GFOD1: variants seen among roughly 807,000 people sequenced by gnomAD.
GFOD1 encodes the protein glucose-fructose oxidoreductase domain-containing protein 1.
Under a neutral mutation model 25.4 loss-of-function variants are expected in GFOD1, and 9 were observed. The ratio of observed to expected loss-of-function variants is 0.35; its 90% CI spans 0.21 to 0.62. The LOEUF (loss-of-function observed/expected upper bound fraction) is 0.62. Ranked by LOEUF, GFOD1 falls within the 20% of genes least tolerant of loss-of-function variation. The probability of loss-of-function intolerance (pLI) is 0.72; values close to 1 mark genes in which losing one functional copy is unlikely to be tolerated. For synonymous variants in GFOD1, 253 were observed against 245.6 expected (o/e 1.03, Z -0.28); for missense variants, 403 against 556.9 (o/e 0.72, Z 2.78).
chr6:13,471,653 C>T (rs960355084), intron 1 of GFOD1, among the ~76,000 whole-genome samples: 1 of 152,200 alleles, frequency 6.6e-6, no homozygotes, highest in Non-Finnish European at 1.5e-5. Flanking sequence ...ACACCCATAG[C>T]CCAAGGTGGA....
chr6:13,365,106 G>C lies in GFOD1; in HGVS notation c.810C>G (p.Asn270Lys). 1 of 1,612,734 alleles carries C rather than the reference G, an allele frequency of 6.2e-7. No individual in the cohort carries two copies. The highest frequency in any genetic ancestry group is 2.2e-5 in the East Asian group (1 of 44,866). Residue 270 changes from asparagine to lysine, a missense_variant, in exon 2 of 2, where the codon AAC becomes AAG. Coordinates refer to ENST00000379287, the MANE Select transcript of GFOD1 (RefSeq NM_018988.4). This position sits in a 1 kb window ranked among gnomAD's most constrained non-coding sequence, Gnocchi z 9.2. ...AVGTDLYGQR[N>K]SAPEQELLVQ... is the part of the protein sequence containing the mutation. ...CCAGCAGCTCCTGCTCCGGGGCGCT[G>C]TTGCGCTGCCCGTACAGGTCGGTGC...
At chr6:13,377,642 CA>C (rs1340916505) in intron 1 of GFOD1, among the ~76,000 whole-genome samples, 2 of 152,188 alleles carry the variant, frequency 1.3e-5, no homozygotes, top group Non-Finnish European at 2.9e-5. Context: ...TAGGCCCACC[CA>C]GATGATCCCC....
intron 1 of GFOD1, among the ~76,000 whole-genome samples, chr6:13,437,799 G>GA (rs1295080774): frequency 6.6e-6 from 1 of 152,188 alleles, no homozygotes; most frequent in Non-Finnish European, 1.5e-5. Flanking sequence ...ATACCAGACA[G>GA]AAATCATTAC....
intron 1 of GFOD1, among the ~76,000 whole-genome samples, chr6:13,415,728 A>C (rs1030388734): frequency 3.9e-5 from 6 of 152,224 alleles, no homozygotes; most frequent in African/African-American, 1.4e-4. Context: ...GAAATGGTTA[A>C]ATGAGATCAT....
At chr6:13,398,124 T>C (rs964924229) in intron 1 of GFOD1, among the ~76,000 whole-genome samples, 2 of 152,248 alleles carry the variant, frequency 1.3e-5, no homozygotes, top group South Asian at 2.1e-4. Flanking sequence ...CCGTATATTA[T>C]GTTATGTACA....
chr6:13,380,881 G>A (rs1785350284), intron 1 of GFOD1, among the ~76,000 whole-genome samples: 1 of 152,202 alleles, frequency 6.6e-6, no homozygotes, highest in African/African-American at 2.4e-5. Context: ...ACAGAAGTGG[G>A]GAGTGTAAGG....
At chr6:13,451,463 A>G (rs1758097728) in intron 1 of GFOD1, among the ~76,000 whole-genome samples, 1 of 151,852 alleles carries the variant, frequency 6.6e-6, no homozygotes, top group East Asian at 1.9e-4. Context: ...TGTAGAGAAC[A>G]CAGGCTCAGG....
chr6:13,428,255 G>T (rs1039704657), intron 1 of GFOD1, among the ~76,000 whole-genome samples: 2 of 152,122 alleles, frequency 1.3e-5, no homozygotes, highest in African/African-American at 4.8e-5. Flanking sequence ...GTTCCTTTAC[G>T]TGCCTCTCAA....
intron 1 of GFOD1, chr6:13,470,343 TC>T: frequency 6.4e-7 from 1 of 1,561,778 alleles, no homozygotes; most frequent in South Asian, 1.2e-5. Flanking sequence ...AAATCTCAGT[TC>T]CACAGACAAA....
intron 1 of GFOD1, among the ~76,000 whole-genome samples, chr6:13,455,182 G>C (rs1383510942): frequency 6.6e-6 from 1 of 152,098 alleles, no homozygotes; most frequent in Non-Finnish European, 1.5e-5. Context: ...TCCTGAAACA[G>C]CCCCAAAGCC....
intron 1 of GFOD1, among the ~76,000 whole-genome samples, chr6:13,446,635 C>T (rs888162152): frequency 2.6e-5 from 4 of 152,170 alleles, no homozygotes; most frequent in African/African-American, 7.2e-5. Flanking sequence ...ACACTGGCAG[C>T]GAATCACACG....
chr6:13,426,110 A>T (rs1171334797), intron 1 of GFOD1, among the ~76,000 whole-genome samples: 1 of 152,200 alleles, frequency 6.6e-6, no homozygotes, highest in African/African-American at 2.4e-5. Context: ...ACGATGCGAG[A>T]TGCAAATATC....
chr6:13,388,493 A>G (rs1451632773), intron 1 of GFOD1, among the ~76,000 whole-genome samples: 3 of 152,260 alleles, frequency 2.0e-5, no homozygotes, highest in Non-Finnish European at 4.4e-5. Flanking sequence ...GACAAATATG[A>G]CAAAAACAAG....
chr6:13,451,498 G>A (rs1758098245), intron 1 of GFOD1, among the ~76,000 whole-genome samples: 1 of 152,170 alleles, frequency 6.6e-6, no homozygotes, highest in African/African-American at 2.4e-5. Context: ...ATCAACACAG[G>A]GTCACCTTGA....
At chr6:13,481,632 G>A (rs1443065756) in intron 1 of GFOD1, among the ~76,000 whole-genome samples, 1 of 152,174 alleles carries the variant, frequency 6.6e-6, no homozygotes, top group Non-Finnish European at 1.5e-5. Context: ...CCATTGTACA[G>A]AGTAGACTGC....
intron 1 of GFOD1, among the ~76,000 whole-genome samples, chr6:13,392,343 CAAAA>C (rs1035923592): frequency 1.6e-5 from 1 of 61,518 alleles, no homozygotes; most frequent in Non-Finnish European, 3.3e-5. Flanking sequence ...GACCCTATCT[CAAAA>C]AAAAAAAAAA....
intron 1 of GFOD1, among the ~76,000 whole-genome samples, chr6:13,451,359 G>T (rs1758095350): frequency 6.6e-6 from 1 of 152,148 alleles, no homozygotes; most frequent in Admixed American, 6.5e-5. Context: ...CAGCAACACG[G>T]AGGCCCGAGC....
chr6:13,411,376 T>C (rs1786075134), intron 1 of GFOD1, among the ~76,000 whole-genome samples: 1 of 152,096 alleles, frequency 6.6e-6, no homozygotes, highest in African/African-American at 2.4e-5. Context: ...ACAGCAACCT[T>C]TACCTCCTGT....
intron 1 of GFOD1, among the ~76,000 whole-genome samples, chr6:13,434,267 T>C (rs1365228010): frequency 2.0e-5 from 3 of 148,760 alleles, no homozygotes; most frequent in Admixed American, 6.6e-5. Flanking sequence ...CAGGGCCTTA[T>C]GGGAACACAG....
Sources: allele counts gnomAD v4.1 joint callset (sites outside exome capture counted in the v4.1 genomes callset), GRCh38; gene constraint gnomAD v4.1.1; non-coding constraint Gnocchi (gnomAD v3.1); transcripts MANE v1.5; gene names NCBI Gene and HGNC (gene_info 2026-07-23, HGNC 2026-07-21).